MEGF11: variants seen among roughly 807,000 people sequenced by gnomAD.
The protein encoded by MEGF11 is multiple EGF like domains 11.
MEGF11 carries 126 observed loss-of-function variants against 146.6 expected under a neutral mutation model. The observed-to-expected ratio is 0.86, with a 90% confidence interval of 0.74 to 1.00. MEGF11 has a LOEUF of 1.00. MEGF11 is among the 50% of genes least tolerant of loss of function. The pLI is 0.00. For synonymous variants in MEGF11, 532 were observed against 583.4 expected, an observed-to-expected ratio of 0.91 and a Z score of 1.27; for missense variants, 1,509 against 1,521.2, an observed-to-expected ratio of 0.99 and a Z score of 0.13.
chr15:66,076,165 A>G (rs11634825), intron 5 of MEGF11, among the ~76,000 whole-genome samples: 30,458 of 151,936 alleles, frequency 0.2, 3,244 homozygotes, highest in East Asian at 0.39. Context: ...GGACTGATAC[A>G]TAGTTGGACA....
At chr15:66,224,059 C>T (rs937037930) in intron 1 of MEGF11, among the ~76,000 whole-genome samples, 3 of 152,274 alleles carry the variant, frequency 2.0e-5, no homozygotes, top group African/African-American at 7.2e-5. Context: ...AACAACAGGA[C>T]ACTTTGCTAC....
intron 5 of MEGF11, among the ~76,000 whole-genome samples, chr15:66,057,401 C>A (rs1195729750): frequency 6.6e-6 from 1 of 152,050 alleles, no homozygotes; most frequent in Non-Finnish European, 1.5e-5. Flanking sequence ...GACAGTGTAA[C>A]AAGTTAATTC....
Position 65,946,252 on chromosome 15 carries a change from A to G in MEGF11, c.1287+11295T>C, listed in dbSNP as rs542042396. Among the ~76,000 whole-genome samples, 58 of 152,316 alleles carry G rather than the reference A, an allele frequency of 3.8e-4. 3 individuals carry two copies. The South Asian group carries it at 0.012, about 31-fold the overall frequency. On this transcript the variant is annotated intron_variant, in intron 10 of 25. Transcript: ENST00000395614. ...TGCTCACAACCGTCCTACAAGAAAC[A>G]TCCACGTGTGAGGCGAGCAAAGGGT...
At position 66,192,717 on chromosome 15, in the gene MEGF11, A is replaced by G. The variant is rs111550848; in HGVS notation, c.-9+60888T>C. Among the ~76,000 whole-genome samples the G allele has an allele frequency of 6.1e-3, 936 of 152,256 alleles. 5 individuals carry two copies. Among genetic ancestry groups the G allele is most frequent in the Non-Finnish European group, 0.011 (738 of 68,010 alleles). ...AGGCAGGCTTCTCAGCCTTCCCATA[A>G]AGGCAGGAAGAGCAACATTATTGGA... On this transcript the variant is annotated intron_variant, in intron 1 of 25. Coordinates refer to ENST00000395614, the MANE Select transcript of MEGF11 (RefSeq NM_001385028.1).
rs1395597083 is a variant in MEGF11 at position 66,136,525 on chromosome 15, C to T, written c.-8-8114G>A. On this transcript the variant is annotated intron_variant, in intron 1 of 25. Coordinates refer to ENST00000395614, the MANE Select transcript of MEGF11 (RefSeq NM_001385028.1). ...GGTTTCCTTAGAGAACCTTCCCGAC[C>T]GACCTAGGCCAGGGGATTCTGAAGC... Among the ~76,000 whole-genome samples the T allele has an allele frequency of 7.2e-5, 11 of 152,294 alleles. No individual in the cohort carries two copies. In the East Asian group the frequency reaches 1.9e-3, roughly 27 times the overall value.
At chr15:65,931,787 G>T (rs751357187) in intron 10 of MEGF11, among the ~76,000 whole-genome samples, 1 of 152,188 alleles carries the variant, frequency 6.6e-6, no homozygotes, top group Non-Finnish European at 1.5e-5. Flanking sequence ...GATAGCTAAT[G>T]CATATTGAGT....
At chr15:66,185,244 C>T (rs1417334235) in intron 1 of MEGF11, among the ~76,000 whole-genome samples, 4 of 152,282 alleles carry the variant, frequency 2.6e-5, no homozygotes, top group East Asian at 3.9e-4. Context: ...TGCACTGCCC[C>T]GCCAGCCCCT....
At chr15:65,948,311 C>CTTGTT (rs977638378) in intron 10 of MEGF11, among the ~76,000 whole-genome samples, 16 of 151,998 alleles carry the variant, frequency 1.1e-4, no homozygotes, top group African/African-American at 3.9e-4. Context: ...CCTTTCTGAC[C>CTTGTT]TTGTTTTTTT....
In MEGF11 at chr15:65,909,011, G is replaced by A. The variant is rs1385901145; in HGVS notation, c.2998+23C>T. The A allele has an allele frequency of 3.4e-6, 5 of 1,477,126 alleles. No individual in the cohort carries two copies. The African/African-American group carries it at 5.6e-5, about 16-fold the overall frequency. 91.5% of individuals were successfully genotyped at this position (1,477,126 alleles called of 1,614,324 possible). A position where few individuals can be genotyped will look rare whatever the true frequency, so the allele number is the denominator to read the frequency against. ...TGGGTCTGGTCTGGCATGAGGGGGT[G>A]GAGGGTAGGGCTGGGGTCTGACCTG... On this transcript the variant is annotated intron_variant, in intron 23 of 25. Transcript: ENST00000395614.
At chr15:65,946,787 G>A (rs1241753103) in intron 10 of MEGF11, among the ~76,000 whole-genome samples, 1 of 152,210 alleles carries the variant, frequency 6.6e-6, no homozygotes, top group East Asian at 1.9e-4. Flanking sequence ...TGCTCGAGAC[G>A]GCAGTGGCTC....
intron 5 of MEGF11, among the ~76,000 whole-genome samples, chr15:66,029,605 G>A (rs1390751696): frequency 6.6e-6 from 1 of 152,158 alleles, no homozygotes; most frequent in Non-Finnish European, 1.5e-5. Flanking sequence ...GTGATGGTGG[G>A]GTCTTTCCCC....
chr15:65,931,897 G>C (rs2079590767), intron 10 of MEGF11, among the ~76,000 whole-genome samples: 1 of 152,200 alleles, frequency 6.6e-6, no homozygotes, highest in Non-Finnish European at 1.5e-5. Context: ...TCACCTAACA[G>C]ATAACTGCAT....
At chr15:66,001,235 G>A (rs905980969) in intron 5 of MEGF11, among the ~76,000 whole-genome samples, 5 of 152,066 alleles carry the variant, frequency 3.3e-5, no homozygotes, top group African/African-American at 9.7e-5. Flanking sequence ...ACATCCACAC[G>A]CCCCCACGAA....
chr15:65,930,463 C>T lies in MEGF11; in HGVS notation c.1408+360G>A, dbSNP rs556733132. 9.8e-5 allele frequency among the ~76,000 whole-genome samples: 15 copies of T among 152,286 alleles called. No homozygotes were observed. The East Asian group carries it at 2.3e-3, about 24-fold the overall frequency. On this transcript the variant is annotated intron_variant, in intron 11 of 25. Transcript: ENST00000395614. ...GGTGGTGGCGCAGCCCCTCTCTCCA[C>T]GTCCCACCTCTTACCAGGTGGCCCT... is the stretch of plus-strand genomic sequence containing the variant.
At chr15:66,160,687 ACACACACACACACACACACC>A (rs1237437536) in intron 1 of MEGF11, among the ~76,000 whole-genome samples, 3 of 151,220 alleles carry the variant, frequency 2.0e-5, no homozygotes, top group African/African-American at 7.3e-5. Context: ...ACACACACAC[ACACACACACACACACACACC>A]CTTGCCCTAG....
At chr15:65,940,000 T>G (rs956562500) in intron 10 of MEGF11, among the ~76,000 whole-genome samples, 7 of 152,240 alleles carry the variant, frequency 4.6e-5, no homozygotes, top group Non-Finnish European at 1.0e-4. Flanking sequence ...GAAATGTTTC[T>G]TAAGTGCCAG....
At chr15:66,070,730 TCTC>T (rs761749178) in intron 5 of MEGF11, among the ~76,000 whole-genome samples, 6 of 152,088 alleles carry the variant, frequency 3.9e-5, no homozygotes, top group Non-Finnish European at 8.8e-5. Context: ...CACCTCTCAG[TCTC>T]CTCATCTGTG....
rs575213819 is a variant in MEGF11 at position 66,253,315 on chromosome 15, C to T, written c.-9+290G>A. On this transcript the variant is annotated intron_variant, in intron 1 of 25. Coordinates refer to ENST00000395614, the MANE Select transcript of MEGF11 (RefSeq NM_001385028.1). ...CCCGCACGTGGAGGCGCCGCGGACG[C>T]TGCATCCCGACTGCGGCCGGAGGGC... 1.1e-4 allele frequency among the ~76,000 whole-genome samples: 16 copies of T among 152,334 alleles called. No homozygotes were observed. The South Asian group carries it at 3.3e-3, about 32-fold the overall frequency.
At chr15:66,239,526 A>G (rs1413087772) in intron 1 of MEGF11, among the ~76,000 whole-genome samples, 1 of 152,062 alleles carries the variant, frequency 6.6e-6, no homozygotes, top group Non-Finnish European at 1.5e-5. Flanking sequence ...GCTTTCCCAG[A>G]TTTGCTTGGC....
Sources: allele counts gnomAD v4.1 joint callset (sites outside exome capture counted in the v4.1 genomes callset), GRCh38; gene constraint gnomAD v4.1.1; transcripts MANE v1.5; gene names NCBI Gene and HGNC (gene_info 2026-07-23, HGNC 2026-07-21).